TMEM196: variants seen among roughly 807,000 people sequenced by gnomAD.
The protein encoded by TMEM196 is transmembrane protein 196.
In TMEM196, 17 loss-of-function variants were observed where a neutral mutation model predicts 20.0. The ratio of observed to expected loss-of-function variants is 0.85; its 90% CI spans 0.58 to 1.27. The LOEUF is 1.27. Among genes scored for constraint, TMEM196 ranks in the 50% most tolerant of loss-of-function variants. The pLI, the probability that TMEM196 is intolerant of heterozygous loss-of-function variation, is 0.00. For missense variants in TMEM196, 267 were observed against 223.0 expected (o/e 1.20, Z -1.26); for synonymous variants, 113 against 88.9 (o/e 1.27, Z -1.52).
chr7:19,751,963 T>C (rs147143002), intron 1 of TMEM196, among the ~76,000 whole-genome samples: 1 of 152,146 alleles, frequency 6.6e-6, no homozygotes, highest in African/African-American at 2.4e-5. Flanking sequence ...ATTTCAAGGA[T>C]TGTAAGTGGA....
At chr7:19,744,542 A>G (rs777176777) in intron 1 of TMEM196, among the ~76,000 whole-genome samples, 2 of 151,932 alleles carry the variant, frequency 1.3e-5, no homozygotes, top group Non-Finnish European at 2.9e-5. Flanking sequence ...GGAGCATAAA[A>G]AACATGTGGG....
At chr7:19,764,458 C>T (rs541420163) in intron 1 of TMEM196, among the ~76,000 whole-genome samples, 12 of 152,260 alleles carry the variant, frequency 7.9e-5, no homozygotes, top group Admixed American at 4.6e-4. Flanking sequence ...CTGATATCCT[C>T]AGTGACCCAC....
At chr7:19,736,963 C>A (rs1191294408) in intron 1 of TMEM196, among the ~76,000 whole-genome samples, 1 of 151,818 alleles carries the variant, frequency 6.6e-6, no homozygotes, top group Admixed American at 6.6e-5. Flanking sequence ...GTTAACTAGA[C>A]CTAGAATTTG....
At chr7:19,761,679 A>C (rs546303239) in intron 1 of TMEM196, among the ~76,000 whole-genome samples, 1 of 152,370 alleles carries the variant, frequency 6.6e-6, no homozygotes, top group African/African-American at 2.4e-5. Flanking sequence ...GAAGATGCAC[A>C]TCAGGTAGTG....
intron 4 of TMEM196, among the ~76,000 whole-genome samples, chr7:19,722,400 T>C (rs1434059334): frequency 6.6e-6 from 1 of 152,116 alleles, no homozygotes; most frequent in Admixed American, 6.6e-5. Context: ...GAGTTTCCTC[T>C]TTCTTTCTTC....
At position 19,720,157 on chromosome 7, in the gene TMEM196, G is replaced by A. The variant is rs1783767226; in HGVS notation, c.*1971C>T. 6.6e-6 allele frequency: 1 copy of A among 151,964 alleles called. No individual in the cohort carries two copies. 9.4% of individuals were successfully genotyped at this position (151,964 alleles called of 1,614,324 possible). ...GTGGCATTGAATGAATAGTTATGAT[G>A]TTGATTCACTATATGAGGTTGCATT... is the stretch of plus-strand genomic sequence containing the variant. On this transcript the variant is annotated 3_prime_UTR_variant, in exon 5 of 5. Coordinates refer to ENST00000405844, the MANE Select transcript of TMEM196 (RefSeq NM_001363562.2).
At chr7:19,737,284 A>C (rs1460975103) in intron 1 of TMEM196, among the ~76,000 whole-genome samples, 1 of 151,984 alleles carries the variant, frequency 6.6e-6, no homozygotes, top group Non-Finnish European at 1.5e-5. Context: ...AATCTGTTAG[A>C]ATGGCTAAAA....
intron 1 of TMEM196, among the ~76,000 whole-genome samples, chr7:19,733,985 G>A (rs573967844): frequency 9.2e-5 from 14 of 152,246 alleles, no homozygotes; most frequent in Admixed American, 2.0e-4. Context: ...CTACCAATGA[G>A]GGGGAGACAA....
At position 19,722,085 on chromosome 7, in the gene TMEM196, C is replaced by T. The variant is rs780540921; in HGVS notation, c.*43G>A. ...TCTTTAAAACATTGATTACACTCTT[C>T]CATTAAATATCAGCTGTGGTCCTCC... On this transcript the variant is annotated 3_prime_UTR_variant, in exon 5 of 5. Coordinates refer to ENST00000405844, the MANE Select transcript of TMEM196 (RefSeq NM_001363562.2). 10 of 1,609,982 alleles carry T rather than the reference C, an allele frequency of 6.2e-6. No homozygotes were observed. The Admixed American group carries it at 1.2e-4, about 19-fold the overall frequency.
At chr7:19,755,831 C>G (rs568094262) in intron 1 of TMEM196, among the ~76,000 whole-genome samples, 47 of 152,254 alleles carry the variant, frequency 3.1e-4, no homozygotes, top group Admixed American at 2.9e-3. Flanking sequence ...TAGTTTGAGA[C>G]CAGCCTGGCC....
chr7:19,768,760 A>G (rs1212812096), intron 1 of TMEM196, among the ~76,000 whole-genome samples: 1 of 152,182 alleles, frequency 6.6e-6, no homozygotes, highest in Non-Finnish European at 1.5e-5. Context: ...AATTATAGTT[A>G]ACTGATTTTT....
intron 1 of TMEM196, among the ~76,000 whole-genome samples, chr7:19,746,615 C>T (rs1473255063): frequency 2.0e-5 from 3 of 152,168 alleles, no homozygotes; most frequent in Non-Finnish European, 2.9e-5. Flanking sequence ...CTACTGAATC[C>T]AGAATTCCAG....
intron 2 of TMEM196, among the ~76,000 whole-genome samples, chr7:19,726,515 G>A (rs573094818): frequency 6.6e-6 from 1 of 152,002 alleles, no homozygotes; most frequent in East Asian, 1.9e-4. Flanking sequence ...TATCATCATT[G>A]AAGAATATAC....
At chr7:19,731,402 T>C (rs1209448166) in intron 1 of TMEM196, among the ~76,000 whole-genome samples, 1 of 152,082 alleles carries the variant, frequency 6.6e-6, no homozygotes, top group Admixed American at 6.5e-5. Flanking sequence ...GGACTCTTTC[T>C]GTTACTAATT....
intron 1 of TMEM196, among the ~76,000 whole-genome samples, chr7:19,756,778 T>G (rs1785236146): frequency 6.6e-6 from 1 of 152,200 alleles, no homozygotes. Context: ...AGACCTGATC[T>G]TATTCCTTTT....
intron 1 of TMEM196, among the ~76,000 whole-genome samples, chr7:19,762,879 T>C (rs1785490011): frequency 6.6e-6 from 1 of 152,140 alleles, no homozygotes; most frequent in African/African-American, 2.4e-5. Flanking sequence ...TGAATGTTCA[T>C]CCAACATGCA....
chr7:19,724,201 T>C, intron 4 of TMEM196, 79 bp downstream of exon 4: 1 of 1,264,572 alleles, frequency 7.9e-7, no homozygotes, highest in South Asian at 1.3e-5. Context: ...ACTGATCTGT[T>C]GACATCATGG....
intron 1 of TMEM196, among the ~76,000 whole-genome samples, chr7:19,765,169 AATC>A (rs2128039366): frequency 6.6e-6 from 1 of 152,300 alleles, no homozygotes; most frequent in Admixed American, 6.5e-5. Flanking sequence ...ACTATTAATA[AATC>A]ATGTCTAGAA....
intron 1 of TMEM196, among the ~76,000 whole-genome samples, chr7:19,753,196 T>G (rs1785061802): frequency 6.6e-6 from 1 of 152,188 alleles, no homozygotes; most frequent in Non-Finnish European, 1.5e-5. Flanking sequence ...AGTACCTTTT[T>G]TATGTGGCTT....
Sources: allele counts gnomAD v4.1 joint callset (sites outside exome capture counted in the v4.1 genomes callset), GRCh38; gene constraint gnomAD v4.1.1; transcripts MANE v1.5; gene names NCBI Gene and HGNC (gene_info 2026-07-23, HGNC 2026-07-21).